The following CRYBG3 variants were observed in gnomAD, a reference collection of about 807,000 sequenced individuals.
CRYBG3 encodes very large A-kinase anchor protein.
Under a neutral mutation model 244.2 loss-of-function variants are expected in CRYBG3, and 127 were observed. The ratio of observed to expected loss-of-function variants is 0.52; its 90% CI spans 0.45 to 0.60. The LOEUF is 0.60. Ranked by LOEUF, CRYBG3 falls within the 20% of genes least tolerant of loss-of-function variation. The pLI, the probability that CRYBG3 is intolerant of heterozygous loss-of-function variation, is 0.00. For synonymous variants in CRYBG3, 1,132 were observed against 1,195.8 expected, an observed-to-expected ratio of 0.95 and a Z score of 1.10; for missense variants, 3,325 against 3,442.5, an observed-to-expected ratio of 0.97 and a Z score of 0.85.
intron 15 of CRYBG3, among the ~76,000 whole-genome samples, chr3:97,904,520 G>C (rs1472963725): frequency 1.3e-5 from 2 of 152,120 alleles, no homozygotes; most frequent in African/African-American, 4.8e-5. Flanking sequence ...AGTATCAGTA[G>C]TCCAGGATTT....
rs527361620 is a variant in CRYBG3 at position 97,824,148 on chromosome 3, T to C, written c.149+1793T>C. On this transcript the variant is annotated intron_variant, in intron 1 of 21. Coordinates refer to ENST00000389622, the MANE Select transcript of CRYBG3 (RefSeq NM_153605.4). ...GCTTAAATCTTTCATTTCAAGGGCA[T>C]AAACAAACACAAAGCCTTTATTGAA... Among the ~76,000 whole-genome samples, 108 of 152,318 alleles carry C rather than the reference T, an allele frequency of 7.1e-4. 1 individual carries two copies. Among genetic ancestry groups the C allele is most frequent in the African/African-American group, 2.5e-3 (105 of 41,568 alleles).
chr3:97,834,233 A>G (rs915411770), intron 1 of CRYBG3, among the ~76,000 whole-genome samples: 1 of 152,176 alleles, frequency 6.6e-6, no homozygotes, highest in Non-Finnish European at 1.5e-5. Context: ...GCACAAAAAT[A>G]TAACCCATTG....
At chr3:97,860,462 T>C (rs2039129967) in intron 2 of CRYBG3, among the ~76,000 whole-genome samples, 1 of 152,162 alleles carries the variant, frequency 6.6e-6, no homozygotes, top group Non-Finnish European at 1.5e-5. Flanking sequence ...TTTTAGATCA[T>C]GCTGAGAGAA....
At chr3:97,857,303 C>T (rs2039079419) in intron 2 of CRYBG3, among the ~76,000 whole-genome samples, 1 of 151,766 alleles carries the variant, frequency 6.6e-6, no homozygotes, top group Admixed American at 6.6e-5. Flanking sequence ...ATGATGTGTT[C>T]TGAAGAATAT....
intron 1 of CRYBG3, among the ~76,000 whole-genome samples, chr3:97,824,811 T>TG (rs2108148314): frequency 6.6e-6 from 1 of 152,280 alleles, no homozygotes; most frequent in South Asian, 2.1e-4. Context: ...AAACTGCAAT[T>TG]GAAGTTTTCA....
Position 97,872,580 on chromosome 3 carries a change from T to G in CRYBG3, c.1386T>G (p.Ile462Met), listed in dbSNP as rs2039318249. 2 of 1,535,806 alleles carry G rather than the reference T, an allele frequency of 1.3e-6. No individual in the cohort carries two copies. The highest frequency in any genetic ancestry group is 2.7e-5 in the African/African-American group (2 of 73,016). The change falls in exon 4 of 22, where the codon ATT becomes ATG. Residue 462 changes from isoleucine to methionine, a missense_variant. Transcript: ENST00000389622. ...ATTTGCCAAGTCCAAATAAATCAATTAGGCATGAACATCTGCAGTTGCCAG... is the reference window on the plus strand; with the variant it reads ...ATTTGCCAAGTCCAAATAAATCAATGAGGCATGAACATCTGCAGTTGCCAG... ...STNLPSPNKS[I>M]RHEHLQLPES...
Position 97,873,167 on chromosome 3 carries a change from C to T in CRYBG3, c.1973C>T (p.Thr658Ile). The change falls in exon 4 of 22, where the codon ACC becomes ATC. Residue 658 changes from threonine (T) to isoleucine (I), a missense_variant. Transcript: ENST00000389622. ...KKLNFSISPP[T>I]FVSGVGMLSK... ...CTAAATTTCAGTATTTCACCTCCTA[C>T]CTTTGTTTCTGGAGTTGGGATGCTG... 2.6e-6 allele frequency: 4 copies of T among 1,535,868 alleles called. No homozygotes were observed. The highest frequency in any genetic ancestry group is 3.5e-6 in the Non-Finnish European group (4 of 1,146,766).
intron 1 of CRYBG3, among the ~76,000 whole-genome samples, chr3:97,828,780 A>T (rs2038611596): frequency 6.7e-6 from 1 of 149,750 alleles, no homozygotes; most frequent in African/African-American, 2.4e-5. Context: ...GTGAGCCAAG[A>T]TCGTACCATT....
At chr3:97,845,792 T>A (rs762023578) in intron 2 of CRYBG3, among the ~76,000 whole-genome samples, 8 of 152,236 alleles carry the variant, frequency 5.3e-5, no homozygotes, top group Non-Finnish European at 1.2e-4. Context: ...TTGCATCAGG[T>A]CTCTGTGTTT....
intron 1 of CRYBG3, among the ~76,000 whole-genome samples, chr3:97,837,245 A>G (rs1203062221): frequency 6.6e-6 from 1 of 152,100 alleles, no homozygotes; most frequent in Non-Finnish European, 1.5e-5. Context: ...ATTTGATCAC[A>G]TTTTAAGGGA....
intron 1 of CRYBG3, among the ~76,000 whole-genome samples, chr3:97,825,576 G>A (rs1380358270): frequency 6.6e-6 from 1 of 152,204 alleles, no homozygotes; most frequent in Non-Finnish European, 1.5e-5. Flanking sequence ...GTTTTGAATG[G>A]AACAATTCTT....
At position 97,877,148 on chromosome 3, in the gene CRYBG3, A is replaced by C. The variant is rs779689573; in HGVS notation, c.5954A>C (p.Asn1985Thr). ...ACAGATTATAGTGACAAAGGATATA[A>C]TTTAGCTTTTGTTTCTCAAGATGAA... ...RETDYSDKGY[N>T]LAFVSQDEQE... The change falls in exon 4 of 22, where the codon AAT becomes ACT. Residue 1985 changes from asparagine to threonine, a missense_variant. Around this residue, in one of 4 missense-constraint regions of CRYBG3, gnomAD observed 450 missense variants for 424.1 expected, o/e 1.06. Transcript: ENST00000389622. The C allele has an allele frequency of 6.2e-7, 1 of 1,613,954 alleles. No homozygotes were observed. The highest frequency in any genetic ancestry group is 1.1e-5 in the South Asian group (1 of 91,078).
rs373792486 is a variant in CRYBG3, at chr3:97,833,316, A to G, written c.150-9879A>G. Among the ~76,000 whole-genome samples the G allele has an allele frequency of 3.0e-4, 46 of 152,354 alleles. No individual in the cohort carries two copies. The South Asian group carries it at 7.5e-3, about 25-fold the overall frequency. ...TAGCAAAGACTTGGAACCAACCCAAATGCCCATCAATGATAGACTGGATAA... is the reference window on the plus strand; with the variant it reads ...TAGCAAAGACTTGGAACCAACCCAAGTGCCCATCAATGATAGACTGGATAA... On this transcript the variant is annotated intron_variant, in intron 1 of 21. Coordinates refer to ENST00000389622, the MANE Select transcript of CRYBG3 (RefSeq NM_153605.4).
At position 97,880,213 on chromosome 3, in the gene CRYBG3, T is replaced by C; in HGVS notation, c.7004+113T>C. 6.9e-6 allele frequency: 4 copies of C among 581,030 alleles called. No homozygotes were observed. The South Asian group carries it at 9.5e-5, about 14-fold the overall frequency. The allele number at this position is 581,030 out of a possible 1,614,324, so 36.0% of individuals were successfully genotyped here. On this transcript the variant is annotated intron_variant, in intron 6 of 21. Coordinates refer to ENST00000389622, the MANE Select transcript of CRYBG3 (RefSeq NM_153605.4). ...GAAGTCATATTCTCCTTCCTCTACT[T>C]TTCGACAGAAGATTTTGAAACATTA...
chr3:97,900,352 A>G lies in CRYBG3; in HGVS notation c.7972-101A>G, dbSNP rs2039691905. 15 of 722,434 alleles carry G rather than the reference A, an allele frequency of 2.1e-5. No individual in the cohort carries two copies. In the South Asian group the frequency reaches 2.1e-4, roughly 10 times the overall value. The allele number at this position is 722,434 out of a possible 1,614,324, so 44.8% of individuals were successfully genotyped here. A position where few individuals can be genotyped will look rare whatever the true frequency, so the allele number is the denominator to read the frequency against. ...AACAGAGGAATACTCTGTCTCAAAA[A>G]AGAAAAGAAAAAAAAATTTTTTTCA... On this transcript the variant is annotated intron_variant, in intron 14 of 21. Transcript: ENST00000389622.
chr3:97,936,520 A>G (rs1266659711), intron 18 of CRYBG3, among the ~76,000 whole-genome samples: 1 of 152,056 alleles, frequency 6.6e-6, no homozygotes, highest in Non-Finnish European at 1.5e-5. Flanking sequence ...TATCAAAGAA[A>G]TATAGGATTT....
intron 6 of CRYBG3, 100 bp from the exon 7 acceptor site, chr3:97,880,972 C>T: frequency 1.1e-6 from 1 of 871,490 alleles, no homozygotes; most frequent in Non-Finnish European, 1.7e-6. Context: ...GGAAGATATC[C>T]CAGCTTAAAA....
rs1292630371 is a variant in CRYBG3 at position 97,822,059 on chromosome 3, T to A, written c.-148T>A. The A allele has an allele frequency of 1.4e-5, 8 of 575,118 alleles. No individual in the cohort carries two copies. Among genetic ancestry groups the A allele is most frequent in the Non-Finnish European group, 2.1e-5 (8 of 380,768 alleles). The allele number at this position is 575,118 out of a possible 1,614,324, so 35.6% of individuals were successfully genotyped here. A position where few individuals can be genotyped will look rare whatever the true frequency, so the allele number is the denominator to read the frequency against. The stretch of plus-strand genomic sequence containing the variant: ...GAGCGCGTCGCGTCCGCACTTCTCC[T>A]GCCCGAGAGAGACTGAGCCGCGCTG... On this transcript the variant is annotated 5_prime_UTR_variant, in exon 1 of 22. Coordinates refer to ENST00000389622, the MANE Select transcript of CRYBG3 (RefSeq NM_153605.4).
intron 1 of CRYBG3, among the ~76,000 whole-genome samples, chr3:97,842,920 TTTG>T (rs1456085538): frequency 1.3e-5 from 2 of 152,198 alleles, no homozygotes; most frequent in African/African-American, 4.8e-5. Context: ...CAGGTGCTCT[TTTG>T]TTCAGATATA....
Sources: allele counts gnomAD v4.1 joint callset (sites outside exome capture counted in the v4.1 genomes callset), GRCh38; gene constraint gnomAD v4.1.1; regional missense constraint gnomAD v4.1.1; transcripts MANE v1.5; gene names NCBI Gene and HGNC (gene_info 2026-07-23, HGNC 2026-07-21).